The following RBPMS variants were observed in gnomAD, a reference collection of about 807,000 sequenced individuals.
RBPMS encodes RNA binding protein, mRNA processing factor.
A neutral mutation model predicts 26.8 loss-of-function variants in RBPMS; 7 were observed. That is an observed-to-expected ratio of 0.26 (90% CI 0.15 to 0.49). The LOEUF is 0.49. Among genes scored for constraint, RBPMS ranks in the 20% least tolerant of loss-of-function variants. The probability of loss-of-function intolerance (pLI) is 0.98; values close to 1 mark genes in which losing one functional copy is unlikely to be tolerated. For missense variants in RBPMS, 186 were observed against 250.0 expected, an observed-to-expected ratio of 0.74 and a Z score of 1.73; for synonymous variants, 96 against 93.3, an observed-to-expected ratio of 1.03 and a Z score of -0.17.
chr8:30,516,318 G>A (rs4457295), intron 5 of RBPMS, among the ~76,000 whole-genome samples: 37,340 of 152,116 alleles, frequency 0.25, 4,929 homozygotes, highest in East Asian at 0.4. Flanking sequence ...CCAGGAGGGA[G>A]AGGTTGCAGT....
intron 4 of RBPMS, among the ~76,000 whole-genome samples, chr8:30,496,858 A>G (rs1820019323): frequency 6.6e-6 from 1 of 152,158 alleles, no homozygotes; most frequent in Non-Finnish European, 1.5e-5. Flanking sequence ...GTGGCCTGTC[A>G]TGGAGTCATT....
At chr8:30,508,941 C>T (rs186166499) in intron 5 of RBPMS, among the ~76,000 whole-genome samples, 3 of 152,288 alleles carry the variant, frequency 2.0e-5, no homozygotes, top group Admixed American at 2.0e-4. Flanking sequence ...TCAGTTTAGA[C>T]AGATCCTGTC....
At chr8:30,440,272 C>A (rs949970965) in intron 1 of RBPMS, among the ~76,000 whole-genome samples, 3 of 152,046 alleles carry the variant, frequency 2.0e-5, no homozygotes, top group African/African-American at 7.2e-5. Flanking sequence ...TGAGTATATT[C>A]ACATTGTTGC....
chr8:30,550,338 T>A (rs1384537692), intron 6 of RBPMS, among the ~76,000 whole-genome samples: 1 of 152,164 alleles, frequency 6.6e-6, no homozygotes, highest in Non-Finnish European at 1.5e-5. Flanking sequence ...TTTCTTAACC[T>A]CTCTGGGCTT....
In RBPMS at chr8:30,562,797, A is replaced by AC. The variant is rs79560908; in HGVS notation, c.*8-3460_*8-3459insC. On this transcript the variant is annotated intron_variant, in intron 7 of 8. Transcript: ENST00000397323. Reference sequence around the variant, plus strand: ...TGCTTTCCCAGCACGGAAAGAACAGAAGACGAGCAGGAGTGATGCCGTCCT... The same window carrying AC: ...TGCTTTCCCAGCACGGAAAGAACAGACAGACGAGCAGGAGTGATGCCGTCCT... Among the ~76,000 whole-genome samples, 7 of 152,074 alleles carry AC rather than the reference A, an allele frequency of 4.6e-5. No homozygotes were observed. The East Asian group carries it at 1.2e-3, about 25-fold the overall frequency.
chr8:30,412,833 A>G (rs1383907652), intron 1 of RBPMS, among the ~76,000 whole-genome samples: 1 of 152,244 alleles, frequency 6.6e-6, no homozygotes, highest in Non-Finnish European at 1.5e-5. Flanking sequence ...TTCCAACAAT[A>G]GTATGTAAAC....
intron 1 of RBPMS, among the ~76,000 whole-genome samples, chr8:30,430,909 G>A (rs748526762): frequency 4.6e-5 from 7 of 152,132 alleles, no homozygotes; most frequent in Admixed American, 2.0e-4. Context: ...ATTTAAAGAC[G>A]AATAAAACAA....
At chr8:30,411,015 A>C (rs1036055672) in intron 1 of RBPMS, among the ~76,000 whole-genome samples, 1 of 152,106 alleles carries the variant, frequency 6.6e-6, no homozygotes, top group African/African-American at 2.4e-5. Context: ...CTGGGATTAC[A>C]GGTGTGAGCC....
chr8:30,549,676 G>C, intron 6 of RBPMS: 1 of 910,700 alleles, frequency 1.1e-6, no homozygotes, highest in Non-Finnish European at 1.8e-6. Flanking sequence ...CCAGCCTCCT[G>C]TGAGAGTGGG....
intron 4 of RBPMS, among the ~76,000 whole-genome samples, chr8:30,491,919 T>C (rs1819441109): frequency 6.6e-6 from 1 of 152,306 alleles, no homozygotes; most frequent in African/African-American, 2.4e-5. Flanking sequence ...CAATGGAGTT[T>C]CGCTCTTGTC....
At chr8:30,536,640 T>C (rs1318621378) in intron 5 of RBPMS, among the ~76,000 whole-genome samples, 1 of 152,210 alleles carries the variant, frequency 6.6e-6, no homozygotes, top group Non-Finnish European at 1.5e-5. Flanking sequence ...TTATAAATTT[T>C]TTATTTTTAA....
intron 1 of RBPMS, among the ~76,000 whole-genome samples, chr8:30,418,290 C>T (rs988444703): frequency 3.9e-5 from 6 of 152,112 alleles, no homozygotes; most frequent in Non-Finnish European, 8.8e-5. Flanking sequence ...CTATGTTGCT[C>T]AGGCTAGCTT....
intron 5 of RBPMS, among the ~76,000 whole-genome samples, chr8:30,505,163 G>A (rs1820955765): frequency 6.6e-6 from 1 of 152,116 alleles, no homozygotes; most frequent in Non-Finnish European, 1.5e-5. Context: ...GCAGAAGTGG[G>A]GCATGAGACA....
intron 5 of RBPMS, among the ~76,000 whole-genome samples, chr8:30,514,463 G>C (rs1822070694): frequency 6.6e-6 from 1 of 151,942 alleles, no homozygotes; most frequent in Non-Finnish European, 1.5e-5. Flanking sequence ...TAAAATTTTA[G>C]GTTTAAGGCA....
At chr8:30,519,454 CTCTCTTTTTTTTTTTTTTTT>C (rs1822774186) in intron 5 of RBPMS, among the ~76,000 whole-genome samples, 2 of 123,480 alleles carry the variant, frequency 1.6e-5, no homozygotes, top group African/African-American at 6.7e-5. Flanking sequence ...GGGAGGATCT[CTCTCTTTTTTTTTTTTTTTT>C]TTTTTTTTTT....
At chr8:30,569,424 A>C (rs1333713570) in intron 8 of RBPMS, among the ~76,000 whole-genome samples, 3 of 152,172 alleles carry the variant, frequency 2.0e-5, no homozygotes, top group Admixed American at 2.0e-4. Flanking sequence ...AGCCCTTAAG[A>C]TCTCCAGAGG....
At chr8:30,498,430 A>G (rs1262701375) in intron 4 of RBPMS, among the ~76,000 whole-genome samples, 15 of 152,328 alleles carry the variant, frequency 9.8e-5, no homozygotes, top group Non-Finnish European at 4.4e-5. Flanking sequence ...AAATGGTAGA[A>G]TAGTTTTTAC....
intron 6 of RBPMS, chr8:30,556,805 G>C: frequency 1.0e-6 from 1 of 985,582 alleles, no homozygotes; most frequent in Non-Finnish European, 1.2e-6. Context: ...GTAGGTATGA[G>C]TTCTTTCTTC....
At chr8:30,516,101 C>T (rs1822277334) in intron 5 of RBPMS, among the ~76,000 whole-genome samples, 1 of 152,096 alleles carries the variant, frequency 6.6e-6, no homozygotes, top group South Asian at 2.1e-4. Flanking sequence ...ATTTTTTGGC[C>T]AGGCACAGTG....
Sources: gnomAD v4.1 joint callset for allele counts (sites outside exome capture counted in the v4.1 genomes callset) on GRCh38, gnomAD v4.1.1 for gene constraint, MANE v1.5 for transcripts, NCBI Gene and HGNC (gene_info 2026-07-23, HGNC 2026-07-21) for gene names.